The following AGAP3 variants were observed in gnomAD, a reference collection of about 807,000 sequenced individuals.
The protein encoded by AGAP3 is arf-GAP with GTPase, ANK repeat and PH domain-containing protein 3.
Under a neutral mutation model 96.9 loss-of-function variants are expected in AGAP3, and 24 were observed. The observed-to-expected ratio is 0.25, with a 90% CI of 0.18 to 0.35. The LOEUF (loss-of-function observed/expected upper bound fraction) is 0.35, where lower values mean the gene tolerates loss of function less well. AGAP3 is among the 10% of genes least tolerant of loss of function. The pLI is 1.00. For missense variants in AGAP3, 876 were observed against 1,254.2 expected (o/e 0.70, Z 4.55); for synonymous variants, 563 against 536.1 (o/e 1.05, Z -0.69).
intron 9 of AGAP3, among the ~76,000 whole-genome samples, chr7:151,126,123 A>G (rs1276728345): frequency 3.3e-5 from 5 of 151,422 alleles, no homozygotes; most frequent in Admixed American, 3.3e-4. Flanking sequence ...GAGCGTCATT[A>G]CAGCGGCTCC....
chr7:151,110,855 C>T lies in AGAP3; in HGVS notation c.332-5938C>T, dbSNP rs867078343. The stretch of plus-strand genomic sequence containing the variant: ...GTTACTAGCAGGCTTTTGGCTTGTG[C>T]GGCTCCAGAGCTCATGTGGTGCTGT... On this transcript the variant is annotated intron_variant, in intron 1 of 17. Coordinates refer to ENST00000397238, the MANE Select transcript of AGAP3 (RefSeq NM_031946.7). 3.9e-5 allele frequency among the ~76,000 whole-genome samples: 6 copies of T among 152,142 alleles called. No individual in the cohort carries two copies. In the South Asian group the frequency reaches 8.3e-4, roughly 21 times the overall value.
rs1304408396 is a variant in AGAP3, at chr7:151,115,266, C to CGCTGGCCAGT, written c.332-1522_332-1513dup. 7 of 1,002,264 alleles carry CGCTGGCCAGT rather than the reference C, an allele frequency of 7.0e-6. 1 individual carries two copies. In the Admixed American group the frequency reaches 4.3e-4, roughly 61 times the overall value. The allele number at this position is 1,002,264 out of a possible 1,614,324, so 62.1% of individuals were successfully genotyped here. A position where few individuals can be genotyped will look rare whatever the true frequency, so the allele number is the denominator to read the frequency against. On this transcript the variant is annotated intron_variant, in intron 1 of 17. Coordinates refer to ENST00000397238, the MANE Select transcript of AGAP3 (RefSeq NM_031946.7). ...CGGCGCGGCGTTGTGGAGCAGCCAG[C>CGCTGGCCAGT]GCTGGCCAGTGCTGCGCGGCGGGCG...
At chr7:151,107,731 T>C (rs1047181307) in intron 1 of AGAP3, among the ~76,000 whole-genome samples, 5 of 152,196 alleles carry the variant, frequency 3.3e-5, no homozygotes, top group South Asian at 2.1e-4. Flanking sequence ...TAGAGGCTCA[T>C]TGGGTTGGAA....
chr7:151,129,633 G>A (rs983615403), intron 10 of AGAP3, among the ~76,000 whole-genome samples: 6 of 152,166 alleles, frequency 3.9e-5, no homozygotes, highest in Non-Finnish European at 7.4e-5. Context: ...CTGGTACCTG[G>A]GAGACTGGAG....
At chr7:151,126,256 G>A (rs1260442405) in intron 9 of AGAP3, among the ~76,000 whole-genome samples, 1 of 152,146 alleles carries the variant, frequency 6.6e-6, no homozygotes, top group Non-Finnish European at 1.5e-5. Context: ...TCGGAAAGGA[G>A]GTGCGGAGAC....
At chr7:151,125,740 C>T (rs1011101555) in intron 9 of AGAP3, among the ~76,000 whole-genome samples, 5 of 152,258 alleles carry the variant, frequency 3.3e-5, no homozygotes, top group Non-Finnish European at 5.9e-5. Context: ...TCTATTCCTT[C>T]CCCTCCCCCC....
At chr7:151,123,538 C>T (rs1454367466) in intron 8 of AGAP3, 6 of 1,308,310 alleles carry the variant, frequency 4.6e-6, no homozygotes, top group African/African-American at 3.0e-5. Context: ...CTCGCGCCCT[C>T]GGCCTCTCTG....
In AGAP3 at chr7:151,142,616, C is replaced by G. The variant is rs1411053820; in HGVS notation, c.2255C>G (p.Pro752Arg). 1 of 1,612,646 alleles carries G rather than the reference C, an allele frequency of 6.2e-7. No homozygotes were observed. The highest frequency in any genetic ancestry group is 8.5e-7 in the Non-Finnish European group (1 of 1,180,002). The change falls in exon 16 of 18, where the codon CCA (proline) becomes CGA (arginine). Residue 752 changes from proline (P) to arginine (R), a missense_variant. By Grantham distance (103) the Pro-to-Arg change is moderately radical. This residue lies in a region of AGAP3 where 213 missense variants were observed against 253.8 expected (regional missense o/e 0.84). Coordinates refer to ENST00000397238, the MANE Select transcript of AGAP3 (RefSeq NM_031946.7). This position sits in a 1 kb window ranked among gnomAD's most constrained non-coding sequence, Gnocchi z 7.5. ...GGGGCCTTGGGTGGCTACTCCAAGC[C>G]AGGGCCTGATGCCTGCAGGTGAGCA... ...WEGALGGYSK[P>R]GPDACREEKE...
intron 1 of AGAP3, among the ~76,000 whole-genome samples, chr7:151,111,481 C>T (rs745949842): frequency 6.6e-6 from 1 of 152,206 alleles, no homozygotes; most frequent in Non-Finnish European, 1.5e-5. Context: ...TGGAGGCGAC[C>T]AGTTCCCACA....
At chr7:151,137,560 G>A (rs1392261815) in intron 11 of AGAP3, among the ~76,000 whole-genome samples, 3 of 152,108 alleles carry the variant, frequency 2.0e-5, no homozygotes, top group Admixed American at 6.5e-5. Flanking sequence ...CTCCACTGCC[G>A]GCCGCCGCGC....
chr7:151,106,486 TTTTTTG>T (rs774785476), intron 1 of AGAP3, among the ~76,000 whole-genome samples: 6 of 151,928 alleles, frequency 3.9e-5, no homozygotes, highest in Non-Finnish European at 7.4e-5. Flanking sequence ...TCAGGTGCTT[TTTTTTG>T]TTTTTAAGAT....
At chr7:151,129,600 C>T (rs565399043) in intron 10 of AGAP3, among the ~76,000 whole-genome samples, 101 of 152,288 alleles carry the variant, frequency 6.6e-4, no homozygotes, top group South Asian at 5.4e-3. Flanking sequence ...CTTCCTAACA[C>T]GCCTCACTCC....
intron 1 of AGAP3, among the ~76,000 whole-genome samples, chr7:151,107,310 CA>C (rs1349995253): frequency 0.027 from 1,856 of 70,026 alleles, 24 homozygotes; most frequent in Middle Eastern, 0.068. Flanking sequence ...GACTCCGGCT[CA>C]AAAAAAAAAA....
chr7:151,114,946 G>A lies in AGAP3; in HGVS notation c.332-1847G>A, dbSNP rs1799477795. 1.0e-6 allele frequency: 1 copy of A among 984,006 alleles called. No homozygotes were observed. Among genetic ancestry groups the A allele is most frequent in the Non-Finnish European group, 1.2e-6 (1 of 830,980 alleles). 61.0% of individuals were successfully genotyped at this position (984,006 alleles called of 1,614,324 possible). A position where few individuals can be genotyped will look rare whatever the true frequency, so the allele number is the denominator to read the frequency against. On this transcript the variant is annotated intron_variant, in intron 1 of 17. Coordinates refer to ENST00000397238, the MANE Select transcript of AGAP3 (RefSeq NM_031946.7). This position sits in a 1 kb window ranked among gnomAD's most constrained non-coding sequence, Gnocchi z 4.4. Reference sequence around the variant, plus strand: ...AGTGAGCAGCCGGCGCGGCCGCGGAGCGTGTGCTCGGGCGGCCCGGAGCCG... The same window carrying A: ...AGTGAGCAGCCGGCGCGGCCGCGGAACGTGTGCTCGGGCGGCCCGGAGCCG...
At chr7:151,116,987 C>T (rs1799621739) in intron 2 of AGAP3, 108 bp from the exon 3 acceptor site, 1 of 1,467,182 alleles carries the variant, frequency 6.8e-7, no homozygotes, top group Non-Finnish European at 9.5e-7. Context: ...TCTCTCCTCC[C>T]CTTCAGCCCT....
Position 151,087,075 on chromosome 7 carries a change from G to A in AGAP3, c.331+3G>A. On this transcript the variant is annotated splice_donor_region_variant and intron_variant, in intron 1 of 17. Transcript: ENST00000397238. ...GGAGCACGTCATCTCCATCGAGGGT[G>A]AGCGGAGCCGGGGGCTGCGGGAGCC... 1 of 1,593,130 alleles carries A rather than the reference G, an allele frequency of 6.3e-7. No homozygotes were observed. Among genetic ancestry groups the A allele is most frequent in the East Asian group, 2.3e-5 (1 of 44,080 alleles).
intron 1 of AGAP3, among the ~76,000 whole-genome samples, chr7:151,095,462 G>A (rs998275374): frequency 6.6e-6 from 1 of 152,134 alleles, no homozygotes; most frequent in Non-Finnish European, 1.5e-5. Context: ...TTTCAGTTTG[G>A]TGTTTTGATG....
At chr7:151,094,093 T>A (rs1798503994) in intron 1 of AGAP3, among the ~76,000 whole-genome samples, 1 of 152,144 alleles carries the variant, frequency 6.6e-6, no homozygotes, top group South Asian at 2.1e-4. Context: ...TTTCTGTACC[T>A]CTGTTTCCTT....
rs1349587677 is a variant in AGAP3, at chr7:151,140,311, A to G, written c.1804+195A>G. ...GTATCTTAGAAAAGTTCTTCTGATA[A>G]CTGAAACCCTTTCTGTTGAAATGTG... On this transcript the variant is annotated intron_variant, in intron 13 of 17. Coordinates refer to ENST00000397238, the MANE Select transcript of AGAP3 (RefSeq NM_031946.7). The surrounding 1 kb of genome is among the most constrained non-coding windows in gnomAD (Gnocchi z 5.4). The G allele has an allele frequency of 1.9e-6, 1 of 535,000 alleles. No homozygotes were observed. 33.1% of individuals were successfully genotyped at this position (535,000 alleles called of 1,614,324 possible). A position where few individuals can be genotyped will look rare whatever the true frequency, so the allele number is the denominator to read the frequency against.
Sources: gnomAD v4.1 joint callset for allele counts (sites outside exome capture counted in the v4.1 genomes callset) on GRCh38, gnomAD v4.1.1 for gene constraint, gnomAD v4.1.1 regional missense constraint, Gnocchi (gnomAD v3.1) non-coding constraint, MANE v1.5 for transcripts, NCBI Gene and HGNC (gene_info 2026-07-23, HGNC 2026-07-21) for gene names.